The following STARD9 variants were observed in gnomAD, a reference collection of about 807,000 sequenced individuals.
STARD9 encodes the protein stAR-related lipid transfer protein 9.
Under a neutral mutation model 399.8 loss-of-function variants are expected in STARD9, and 346 were observed. The observed-to-expected ratio is 0.87, with a 90% confidence interval of 0.79 to 0.95. The LOEUF (loss-of-function observed/expected upper bound fraction) is 0.95. Ranked by LOEUF, STARD9 falls within the 40% of genes least tolerant of loss-of-function variation. The probability of loss-of-function intolerance (pLI) is 0.00; values close to 1 mark genes in which losing one functional copy is unlikely to be tolerated. For missense variants in STARD9, 5,832 were observed against 5,667.5 expected, an observed-to-expected ratio of 1.03 and a Z score of -0.93; for synonymous variants, 2,203 against 2,143.5, an observed-to-expected ratio of 1.03 and a Z score of -0.77.
chr15:42,581,821 C>T (rs2058178760), intron 1 of STARD9, among the ~76,000 whole-genome samples: 1 of 152,164 alleles, frequency 6.6e-6, no homozygotes, highest in African/African-American at 2.4e-5. Flanking sequence ...AATCTTTATT[C>T]CTCAGACCCC....
At position 42,689,968 on chromosome 15, in the gene STARD9, C is replaced by CAGATAAGGGGCCTGAGA; in HGVS notation, c.8396_8397insGGGGCCTGAGAAGATAA (p.Asn2799LysfsTer9). 6.5e-7 allele frequency: 1 copy of CAGATAAGGGGCCTGAGA among 1,537,602 alleles called. No individual in the cohort carries two copies. Among genetic ancestry groups the CAGATAAGGGGCCTGAGA allele is most frequent in the Non-Finnish European group, 8.7e-7 (1 of 1,147,016 alleles). The stretch of plus-strand genomic sequence containing the variant: ...CTAGACACCACATATGGAGAAGTTT[C>CAGATAAGGGGCCTGAGA]AGATAATTTGTTAGTGACTGCACAG... On this transcript the variant is annotated frameshift_variant, in exon 23 of 33. Coordinates refer to ENST00000290607, the MANE Select transcript of STARD9 (RefSeq NM_020759.3). LOFTEE classifies it high-confidence loss of function.
At position 42,686,724 on chromosome 15, in the gene STARD9, T is replaced by G; in HGVS notation, c.5146T>G (p.Ser1716Ala). 6.5e-7 allele frequency: 1 copy of G among 1,537,672 alleles called. No homozygotes were observed. Among genetic ancestry groups the G allele is most frequent in the Non-Finnish European group, 8.7e-7 (1 of 1,147,008 alleles). Residue 1716 changes from serine to alanine, a missense_variant, in exon 23 of 33, where the codon TCC becomes GCC. Transcript: ENST00000290607. ...KEAVRRHINV[S>A]FALPSGPELY... ...AGCAGTTAGAAGACACATAAATGTTTCCTTTGCCCTTCCTTCAGGTCCAGA... is the reference window on the plus strand; with the variant it reads ...AGCAGTTAGAAGACACATAAATGTTGCCTTTGCCCTTCCTTCAGGTCCAGA...
At chr15:42,644,425 A>G (rs1049300987) in intron 7 of STARD9, among the ~76,000 whole-genome samples, 6 of 152,088 alleles carry the variant, frequency 3.9e-5, no homozygotes, top group African/African-American at 9.7e-5. Context: ...CCCGGGAGGC[A>G]GAGATTGCAG....
intron 22 of STARD9, 68 bp downstream of exon 22, chr15:42,682,643 T>C: frequency 7.6e-7 from 1 of 1,311,768 alleles, no homozygotes; most frequent in South Asian, 1.5e-5. Flanking sequence ...CAGGTAGTTT[T>C]CTGTTTTTCC....
intron 9 of STARD9, among the ~76,000 whole-genome samples, chr15:42,660,645 A>G (rs1444920458): frequency 2.6e-5 from 4 of 151,802 alleles, no homozygotes; most frequent in East Asian, 1.9e-4. Context: ...CAAAACCGAC[A>G]TTGAATCGGG....
intron 26 of STARD9, among the ~76,000 whole-genome samples, chr15:42,715,131 T>C (rs2061327498): frequency 6.6e-6 from 1 of 150,696 alleles, no homozygotes; most frequent in Non-Finnish European, 1.5e-5. Context: ...CTGGAAGTGA[T>C]TCTGTCAGTG....
chr15:42,670,513 G>C (rs993975830), intron 16 of STARD9: 1 of 152,216 alleles, frequency 6.6e-6, no homozygotes, highest in African/African-American at 2.4e-5. Flanking sequence ...ACAGCAGAAC[G>C]TACTTCCCAT....
intron 15 of STARD9, among the ~76,000 whole-genome samples, chr15:42,667,530 G>A (rs1172687794): frequency 6.6e-6 from 1 of 151,576 alleles, no homozygotes; most frequent in East Asian, 2.0e-4. Flanking sequence ...CATCCAGGCT[G>A]GAGTGCAATG....
At position 42,693,474 on chromosome 15, in the gene STARD9, A is replaced by C; in HGVS notation, c.11896A>C (p.Ser3966Arg). 2 of 1,537,258 alleles carry C rather than the reference A, an allele frequency of 1.3e-6. No homozygotes were observed. Among genetic ancestry groups the C allele is most frequent in the Non-Finnish European group, 1.7e-6 (2 of 1,146,908 alleles). ...DELGGSQRGR[S>R]SLQRSNGRSF... ...GTTAGGTGGCTCCCAGAGAGGTAGA[A>C]GTTCCTTACAAAGGAGTAATGGGAG... is the stretch of plus-strand genomic sequence containing the variant. The change falls in exon 23 of 33, where the codon AGT becomes CGT. Residue 3966 changes from serine (S) to arginine (R), a missense_variant. Ser to Arg is a moderately radical substitution (Grantham distance 110). Around this residue, in one of 2 missense-constraint regions of STARD9, gnomAD observed 5,828 missense variants for 5,651.1 expected, o/e 1.03. Coordinates refer to ENST00000290607, the MANE Select transcript of STARD9 (RefSeq NM_020759.3).
intron 3 of STARD9, among the ~76,000 whole-genome samples, chr15:42,607,651 T>TACAC (rs10655556): frequency 0.08 from 11,503 of 143,638 alleles, 460 homozygotes; most frequent in South Asian, 0.1. Flanking sequence ...CACACACTTA[T>TACAC]ACACACACAC....
chr15:42,717,748 G>T lies in STARD9; in HGVS notation c.13512G>T (p.Ser4504=), dbSNP rs773641178. ...TSMADVMAAC[S]DNLHNLFSCQ... is the part of the protein sequence containing the mutation. ...GTCCCCAGGTAATGGCTGCTTGTTC[G>T]GATAATTTGCACAACCTCTTCAGCT... The change falls in exon 29 of 33, where the codon TCG becomes TCT. Residue 4504 remains serine, a synonymous_variant. Coordinates refer to ENST00000290607, the MANE Select transcript of STARD9 (RefSeq NM_020759.3). 4 of 1,537,204 alleles carry T rather than the reference G, an allele frequency of 2.6e-6. No homozygotes were observed. The East Asian group carries it at 9.8e-5, about 38-fold the overall frequency.
chr15:42,658,558 T>C (rs1256354827), intron 9 of STARD9, among the ~76,000 whole-genome samples: 4 of 146,360 alleles, frequency 2.7e-5, no homozygotes, highest in Non-Finnish European at 6.0e-5. Flanking sequence ...TCTTGACTCA[T>C]TGCAACCTCC....
chr15:42,642,820 T>C (rs1354200167), intron 7 of STARD9, among the ~76,000 whole-genome samples: 1 of 152,136 alleles, frequency 6.6e-6, no homozygotes, highest in Non-Finnish European at 1.5e-5. Context: ...TGTTTTTGGA[T>C]CAGAGTCTCA....
At chr15:42,590,798 TAAAC>T (rs947672625) in intron 3 of STARD9, among the ~76,000 whole-genome samples, 3 of 152,064 alleles carry the variant, frequency 2.0e-5, no homozygotes, top group African/African-American at 4.8e-5. Flanking sequence ...GCCACTCTCT[TAAAC>T]AGTCAGCTCC....
intron 3 of STARD9, among the ~76,000 whole-genome samples, chr15:42,600,220 C>T (rs973843460): frequency 2.0e-5 from 3 of 152,158 alleles, no homozygotes; most frequent in South Asian, 2.1e-4. Flanking sequence ...GTTTCAGAAG[C>T]GTACTGGATA....
chr15:42,681,882 G>T (rs546181532), intron 21 of STARD9, among the ~76,000 whole-genome samples: 1 of 152,044 alleles, frequency 6.6e-6, no homozygotes, highest in Non-Finnish European at 1.5e-5. Context: ...CCTACCGCCT[G>T]CCCTAGCACG....
chr15:42,673,338 G>A lies in STARD9; in HGVS notation c.1498-1102G>A, dbSNP rs900306093. 2.0e-5 allele frequency among the ~76,000 whole-genome samples: 3 copies of A among 152,162 alleles called. No individual in the cohort carries two copies. The South Asian group carries it at 6.2e-4, about 31-fold the overall frequency. ...AATTGCTTGAACCTGGGAGGCGAAG[G>A]TTGCAGTGAGCTGAGATTGCACCAC... On this transcript the variant is annotated intron_variant, in intron 16 of 32. Transcript: ENST00000290607.
At chr15:42,712,797 GCTAGGATGACAGGTGTGAGCTGTTGCAC>G (rs2061272918) in intron 26 of STARD9, among the ~76,000 whole-genome samples, 1 of 152,180 alleles carries the variant, frequency 6.6e-6, no homozygotes, top group African/African-American at 2.4e-5. Context: ...CGCCCAAAGT[GCTAGGATGACAGGTGTGAGCTGTTGCAC>G]CCAGCCTCAC....
rs2060667393 is a variant in STARD9 at position 42,690,560 on chromosome 15, C to A, written c.8982C>A (p.Ile2994=). Residue 2994 remains isoleucine, a synonymous_variant, in exon 23 of 33, where the codon ATC becomes ATA. Coordinates refer to ENST00000290607, the MANE Select transcript of STARD9 (RefSeq NM_020759.3). The part of the protein sequence containing the change: ...KEPFKAAPHT[I]HPPCVVPSRA... ...CTTTCAAGGCTGCCCCACATACTAT[C>A]CACCCACCCTGTGTAGTACCTTCCA... 6.5e-7 allele frequency: 1 copy of A among 1,537,022 alleles called. No individual in the cohort carries two copies. Among genetic ancestry groups the A allele is most frequent in the African/African-American group, 1.4e-5 (1 of 73,026 alleles).
Sources: allele counts gnomAD v4.1 joint callset (sites outside exome capture counted in the v4.1 genomes callset), GRCh38; gene constraint gnomAD v4.1.1; regional missense constraint gnomAD v4.1.1; transcripts MANE v1.5; gene names NCBI Gene and HGNC (gene_info 2026-07-23, HGNC 2026-07-21).